The following PCLO variants were observed in gnomAD, a reference collection of about 807,000 sequenced individuals.
The protein encoded by PCLO is protein piccolo.
PCLO carries 82 observed loss-of-function variants against 427.5 expected under a neutral mutation model. The observed-to-expected ratio is 0.19, with a 90% confidence interval of 0.16 to 0.23. The LOEUF (loss-of-function observed/expected upper bound fraction) is 0.23, where lower values mean the gene tolerates loss of function less well. Among genes scored for constraint, PCLO ranks in the 10% least tolerant of loss-of-function variants. The pLI is 1.00. For missense variants in PCLO, 6,239 were observed against 6,115.9 expected (o/e 1.02, Z -0.67); for synonymous variants, 2,357 against 2,155.4 (o/e 1.09, Z -2.59).
intron 8 of PCLO, among the ~76,000 whole-genome samples, chr7:82,907,343 C>G (rs1431884981): frequency 6.6e-6 from 1 of 151,856 alleles, no homozygotes; most frequent in Non-Finnish European, 1.5e-5. Flanking sequence ...AAACACTAAA[C>G]TTCAGAGAAA....
intron 20 of PCLO, among the ~76,000 whole-genome samples, chr7:82,817,683 T>A (rs1318231147): frequency 6.6e-6 from 1 of 152,172 alleles, no homozygotes; most frequent in Non-Finnish European, 1.5e-5. Flanking sequence ...CCAGTAGTGG[T>A]CTGTGGAAGT....
At chr7:82,945,121 T>A (rs1274217510) in intron 6 of PCLO, among the ~76,000 whole-genome samples, 2 of 151,546 alleles carry the variant, frequency 1.3e-5, no homozygotes, top group African/African-American at 2.4e-5. Context: ...CTCTTGGGAT[T>A]TTTTTTTTCT....
At chr7:83,152,109 C>T (rs868456868) in intron 2 of PCLO, among the ~76,000 whole-genome samples, 17 of 151,880 alleles carry the variant, frequency 1.1e-4, no homozygotes, top group African/African-American at 9.7e-5. Context: ...GGACTACAAG[C>T]GCCCGCCACC....
intron 3 of PCLO, among the ~76,000 whole-genome samples, chr7:82,993,863 G>C (rs991329553): frequency 2.6e-5 from 4 of 151,950 alleles, no homozygotes; most frequent in African/African-American, 9.7e-5. Context: ...CTCATTCAAG[G>C]ACAAGGATAA....
rs1790333067 is a variant in PCLO, at chr7:82,757,047, A to G, written c.*1528T>C. On this transcript the variant is annotated 3_prime_UTR_variant, in exon 25 of 25. Transcript: ENST00000333891. ...GGAAATGTGCTTTCATCTTTCATGG[A>G]TCATTGATTTATCATCACAACATCT... 1 of 152,042 alleles carries G rather than the reference A, an allele frequency of 6.6e-6. No homozygotes were observed. The highest frequency in any genetic ancestry group is 2.4e-5 in the African/African-American group (1 of 41,422). 9.4% of individuals were successfully genotyped at this position (152,042 alleles called of 1,614,324 possible). A position where few individuals can be genotyped will look rare whatever the true frequency, so the allele number is the denominator to read the frequency against.
At chr7:83,156,508 T>C (rs1792305322) in intron 1 of PCLO, 116 bp from the exon 2 acceptor site, 2 of 617,750 alleles carry the variant, frequency 3.2e-6, no homozygotes, top group East Asian at 5.6e-5. Context: ...TGTATAAATA[T>C]AACTAGAACC....
chr7:82,930,103 G>C (rs962246646), intron 6 of PCLO, among the ~76,000 whole-genome samples: 1 of 152,180 alleles, frequency 6.6e-6, no homozygotes, highest in African/African-American at 2.4e-5. Flanking sequence ...GTGAATCTCA[G>C]ATTGAGCTGA....
intron 3 of PCLO, among the ~76,000 whole-genome samples, chr7:82,998,711 T>C (rs1167260242): frequency 6.6e-6 from 1 of 151,880 alleles, no homozygotes; most frequent in Non-Finnish European, 1.5e-5. Context: ...ACCACATTAC[T>C]AAAGGCCTAT....
chr7:83,098,416 C>T lies in PCLO; in HGVS notation c.3300+35834G>A, dbSNP rs184015537. Among the ~76,000 whole-genome samples the T allele has an allele frequency of 9.2e-5, 14 of 152,158 alleles. 1 individual carries two copies. Among genetic ancestry groups the T allele is most frequent in the Non-Finnish European group, 1.2e-4 (8 of 67,974 alleles). On this transcript the variant is annotated intron_variant, in intron 3 of 24. Coordinates refer to ENST00000333891, the MANE Select transcript of PCLO (RefSeq NM_033026.6). Reference sequence around the variant, plus strand: ...ATCATCTGCTACACATAAAGACTTGCGATAGACACCAAGGGAATGCAAAAT... The same window carrying T: ...ATCATCTGCTACACATAAAGACTTGTGATAGACACCAAGGGAATGCAAAAT...
chr7:82,851,974 C>T (rs772015066), intron 10 of PCLO, among the ~76,000 whole-genome samples: 9 of 150,974 alleles, frequency 6.0e-5, no homozygotes, highest in Non-Finnish European at 1.2e-4. Context: ...TCATATTTTA[C>T]AATTTTGATC....
In PCLO at chr7:82,845,453, T is replaced by C. The variant is rs776258871; in HGVS notation, c.13864A>G (p.Lys4622Glu). 6.2e-7 allele frequency: 1 copy of C among 1,612,818 alleles called. No homozygotes were observed. Among genetic ancestry groups the C allele is most frequent in the Non-Finnish European group, 8.5e-7 (1 of 1,179,374 alleles). Residue 4622 changes from lysine to glutamate, a missense_variant, in exon 13 of 25, where the codon AAG becomes GAG. By Grantham distance (56) the Lys-to-Glu change is moderately conservative (BLOSUM62 1). Around this residue, in one of 5 missense-constraint regions of PCLO, gnomAD observed 877 missense variants for 925.5 expected, o/e 0.95. Coordinates refer to ENST00000333891, the MANE Select transcript of PCLO (RefSeq NM_033026.6). Reference sequence around the variant, plus strand: ...TTCTGGAGTTCTGCTGCCAACTGCTTAGGATCAACCCCTGGGGATTTCGCC... The same window carrying C: ...TTCTGGAGTTCTGCTGCCAACTGCTCAGGATCAACCCCTGGGGATTTCGCC... ...DKAKSPGVDPKQLAAELQKVS... is the reference protein window; with the variant it reads ...DKAKSPGVDPEQLAAELQKVS...
At chr7:83,017,244 AT>A (rs902739926) in intron 3 of PCLO, among the ~76,000 whole-genome samples, 16 of 152,284 alleles carry the variant, frequency 1.1e-4, no homozygotes, top group Admixed American at 2.0e-4. Flanking sequence ...TGGGTAAGAA[AT>A]GAATAAAACA....
intron 9 of PCLO, among the ~76,000 whole-genome samples, chr7:82,881,066 A>T (rs1793495176): frequency 6.6e-6 from 1 of 152,190 alleles, no homozygotes; most frequent in African/African-American, 2.4e-5. Context: ...GCTATAACTT[A>T]TAGAGGTATG....
intron 9 of PCLO, 25 bp downstream of exon 9, chr7:82,902,625 AT>A (rs370709796): frequency 2.5e-4 from 336 of 1,322,862 alleles, no homozygotes; most frequent in African/African-American, 1.9e-3. Flanking sequence ...AACAAAAAAA[AT>A]ATTAGATTAT....
At chr7:82,958,328 T>G (rs1028089490) in intron 4 of PCLO, among the ~76,000 whole-genome samples, 4 of 145,246 alleles carry the variant, frequency 2.8e-5, no homozygotes, top group Non-Finnish European at 4.4e-5. Context: ...CCTTCCTTCC[T>G]TCTTCCTTCC....
rs1789700676 is a variant in PCLO, at chr7:83,067,619, C to A, written c.3300+66631G>T. 2.0e-5 allele frequency among the ~76,000 whole-genome samples: 3 copies of A among 152,166 alleles called. No homozygotes were observed. In the South Asian group the frequency reaches 6.2e-4, roughly 32 times the overall value. On this transcript the variant is annotated intron_variant, in intron 3 of 24. Transcript: ENST00000333891. ...CACCAGCTGAACACATACTGTCATG[C>A]CAACTGGCCTGGCTCCCACAGTTCT...
chr7:82,779,571 G>A (rs1790825917), intron 22 of PCLO, among the ~76,000 whole-genome samples: 1 of 151,918 alleles, frequency 6.6e-6, no homozygotes, highest in Non-Finnish European at 1.5e-5. Flanking sequence ...CTTAACGAAA[G>A]CTTTTAGCTA....
intron 3 of PCLO, among the ~76,000 whole-genome samples, chr7:82,986,246 G>T (rs1796253117): frequency 6.6e-6 from 1 of 151,914 alleles, no homozygotes; most frequent in African/African-American, 2.4e-5. Flanking sequence ...AGTAAGTTAT[G>T]ATCATTATAT....
At chr7:82,813,508 T>A (rs1278641623) in intron 20 of PCLO, among the ~76,000 whole-genome samples, 1 of 151,708 alleles carries the variant, frequency 6.6e-6, no homozygotes, top group Non-Finnish European at 1.5e-5. Context: ...AGTGACCAAT[T>A]GCATTTTTCT....
Sources: allele counts gnomAD v4.1 joint callset (sites outside exome capture counted in the v4.1 genomes callset), GRCh38; gene constraint gnomAD v4.1.1; regional missense constraint gnomAD v4.1.1; transcripts MANE v1.5; gene names NCBI Gene and HGNC (gene_info 2026-07-23, HGNC 2026-07-21).